The following CRISPLD1 variants were observed in gnomAD, a reference collection of about 807,000 sequenced individuals.
CRISPLD1 encodes cysteine-rich secretory protein LCCL domain-containing 1.
CRISPLD1 carries 60 observed loss-of-function variants against 77.5 expected under a neutral mutation model. The observed-to-expected ratio is 0.77, with a 90% CI of 0.63 to 0.96. CRISPLD1 has a LOEUF of 0.96. Among genes scored for constraint, CRISPLD1 ranks in the 40% least tolerant of loss-of-function variants. CRISPLD1 has a pLI of 0.00. For missense variants in CRISPLD1, 623 were observed against 615.8 expected (o/e 1.01, Z -0.12); for synonymous variants, 195 against 200.1 (o/e 0.97, Z 0.22).
chr8:75,001,678 A>T (rs1343986541), intron 2 of CRISPLD1, among the ~76,000 whole-genome samples: 1 of 152,136 alleles, frequency 6.6e-6, no homozygotes, highest in African/African-American at 2.4e-5. Context: ...CAGCTGATTC[A>T]ATGGGGAGGA....
At chr8:75,011,401 T>A (rs1046646698) in intron 2 of CRISPLD1, among the ~76,000 whole-genome samples, 7 of 151,152 alleles carry the variant, frequency 4.6e-5, no homozygotes, top group African/African-American at 1.7e-4. Flanking sequence ...TTCAGCTTCA[T>A]CACTGTCACT....
Position 75,034,219 on chromosome 8 carries a change from T to C in CRISPLD1, c.*1977T>C, listed in dbSNP as rs1016602396. 8.5e-5 allele frequency: 13 copies of C among 152,114 alleles called. No homozygotes were observed. Among genetic ancestry groups the C allele is most frequent in the Admixed American group, 7.9e-4 (12 of 15,264 alleles). 9.4% of individuals were successfully genotyped at this position (152,114 alleles called of 1,614,324 possible). On this transcript the variant is annotated 3_prime_UTR_variant, in exon 15 of 15. Coordinates refer to ENST00000262207, the MANE Select transcript of CRISPLD1 (RefSeq NM_031461.6). Reference sequence around the variant, plus strand: ...AAGAACTTCCATAGTCTTGTTCATATTGTTTACCTATCTTCTACACAAGGC... The same window carrying C: ...AAGAACTTCCATAGTCTTGTTCATACTGTTTACCTATCTTCTACACAAGGC...
At chr8:74,994,237 G>A (rs1192041121) in intron 2 of CRISPLD1, among the ~76,000 whole-genome samples, 1 of 152,162 alleles carries the variant, frequency 6.6e-6, no homozygotes, top group Non-Finnish European at 1.5e-5. Flanking sequence ...AAGGTAGTAA[G>A]AAATGGAAAG....
intron 9 of CRISPLD1, 25 bp downstream of exon 9, chr8:75,017,138 T>A: frequency 6.3e-7 from 1 of 1,580,774 alleles, no homozygotes; most frequent in South Asian, 1.1e-5. Context: ...TGTAATTATT[T>A]GAGGATAGAG....
intron 2 of CRISPLD1, among the ~76,000 whole-genome samples, chr8:74,996,582 T>A (rs1337427561): frequency 1.3e-5 from 2 of 151,984 alleles, no homozygotes; most frequent in African/African-American, 4.8e-5. Context: ...GGAGAAATAC[T>A]AGGCACAAAG....
At chr8:74,989,140 G>A (rs1410236063) in intron 2 of CRISPLD1, among the ~76,000 whole-genome samples, 1 of 152,156 alleles carries the variant, frequency 6.6e-6, no homozygotes, top group South Asian at 2.1e-4. Context: ...ATGCAGGGTG[G>A]CAGGAATTGG....
chr8:75,002,764 G>C lies in CRISPLD1; in HGVS notation c.259-9669G>C, dbSNP rs111776161. Among the ~76,000 whole-genome samples the C allele has an allele frequency of 1.5e-4, 23 of 152,202 alleles. No individual in the cohort carries two copies. In the Middle Eastern group the frequency reaches 0.01, roughly 68 times the overall value. Reference sequence around the variant, plus strand: ...TTGGCCAAATCTAACCAGGAGCCAGGGGGCAGGAGAGCCTGAGGTAACTCA... The same window carrying C: ...TTGGCCAAATCTAACCAGGAGCCAGCGGGCAGGAGAGCCTGAGGTAACTCA... On this transcript the variant is annotated intron_variant, in intron 2 of 14. Transcript: ENST00000262207.
intron 2 of CRISPLD1, 33 bp from the exon 3 acceptor site, chr8:75,012,400 A>C: frequency 8.0e-7 from 1 of 1,246,938 alleles, no homozygotes; most frequent in Non-Finnish European, 1.2e-6. Context: ...CAAATGCTAC[A>C]TGTGCACATT....
Position 74,984,614 on chromosome 8 carries a change from T to G in CRISPLD1, c.-369T>G, listed in dbSNP as rs2128779915. Reference sequence around the variant, plus strand: ...CGTTCGTGTCCCCGCCCCTCGCTCCTGCAGCTACTGCTCAGAAACGCTGGG... The same window carrying G: ...CGTTCGTGTCCCCGCCCCTCGCTCCGGCAGCTACTGCTCAGAAACGCTGGG... On this transcript the variant is annotated 5_prime_UTR_variant, in exon 1 of 15. Transcript: ENST00000262207. 1 of 152,934 alleles carries G rather than the reference T, an allele frequency of 6.5e-6. No individual in the cohort carries two copies. Among genetic ancestry groups the G allele is most frequent in the East Asian group, 1.9e-4 (1 of 5,202 alleles). 9.5% of individuals were successfully genotyped at this position (152,934 alleles called of 1,614,324 possible).
intron 12 of CRISPLD1, among the ~76,000 whole-genome samples, chr8:75,023,160 C>T (rs1338299694): frequency 6.7e-6 from 1 of 149,452 alleles, no homozygotes; most frequent in African/African-American, 2.5e-5. Context: ...GATTGGAATA[C>T]AAACAAGCAA....
chr8:75,025,441 A>G (rs1813214985), intron 12 of CRISPLD1, 105 bp from the exon 13 acceptor site: 1 of 346,192 alleles, frequency 2.9e-6, no homozygotes, highest in Non-Finnish European at 5.0e-6. Context: ...AGTAGGGTTT[A>G]GAATGTTGAG....
rs748661960 is a variant in CRISPLD1, at chr8:75,012,442, G to A, written c.268G>A (p.Val90Ile). 6.8e-6 allele frequency: 11 copies of A among 1,608,904 alleles called. No homozygotes were observed. Among genetic ancestry groups the A allele is most frequent in the Admixed American group, 5.0e-5 (3 of 59,892 alleles). The change falls in exon 3 of 15, where the codon GTA (valine) becomes ATA (isoleucine). Residue 90 changes from valine (V) to isoleucine (I), a missense_variant. Coordinates refer to ENST00000262207, the MANE Select transcript of CRISPLD1 (RefSeq NM_031461.6). ...TTGTTTTAAACTGTAGACATGGGAT[G>A]TAGAGCTGGAAAGATCTGCAGAATC... is the stretch of plus-strand genomic sequence containing the variant. ...ASNMEYMTWD[V>I]ELERSAESWA...
At chr8:75,021,917 T>G (rs1248614433) in intron 12 of CRISPLD1, among the ~76,000 whole-genome samples, 3 of 152,112 alleles carry the variant, frequency 2.0e-5, no homozygotes, top group Non-Finnish European at 4.4e-5. Context: ...GTGACTAGGT[T>G]TATGAGGACC....
At chr8:74,993,458 T>G (rs1812604163) in intron 2 of CRISPLD1, among the ~76,000 whole-genome samples, 1 of 152,208 alleles carries the variant, frequency 6.6e-6, no homozygotes, top group Admixed American at 6.5e-5. Context: ...TCCTAAGGTG[T>G]TTTTGCTTTA....
At chr8:75,014,745 T>A (rs1188533739) in intron 5 of CRISPLD1, 67 bp from the exon 6 acceptor site, 3 of 952,142 alleles carry the variant, frequency 3.2e-6, no homozygotes, top group Non-Finnish European at 4.9e-6. Flanking sequence ...TATATAGTGA[T>A]GTTTCACAAT....
At chr8:75,005,181 CTTTA>C (rs1455376546) in intron 2 of CRISPLD1, among the ~76,000 whole-genome samples, 5 of 151,962 alleles carry the variant, frequency 3.3e-5, no homozygotes, top group Admixed American at 6.6e-5. Context: ...CATCAGATGC[CTTTA>C]TTTGTCACCA....
rs2128782363 is a variant in CRISPLD1, at chr8:75,000,056, A to T, written c.259-12377A>T. 3 of 750,662 alleles carry T rather than the reference A, an allele frequency of 4.0e-6. No homozygotes were observed. The African/African-American group carries it at 5.8e-5, about 14-fold the overall frequency. The allele number at this position is 750,662 out of a possible 1,614,324, so 46.5% of individuals were successfully genotyped here. On this transcript the variant is annotated intron_variant, in intron 2 of 14. Transcript: ENST00000262207. ...AAGGCAGCAACTAGATACAAGGATA[A>T]TGAGCTATTAGGCAAGACCAGGAGT...
At position 75,033,409 on chromosome 8, in the gene CRISPLD1, T is replaced by C. The variant is rs532371415; in HGVS notation, c.*1167T>C. On this transcript the variant is annotated 3_prime_UTR_variant, in exon 15 of 15. Coordinates refer to ENST00000262207, the MANE Select transcript of CRISPLD1 (RefSeq NM_031461.6). ...TAAACTTGGTTTATTGACGTTAGTA[T>C]AAATAACATACAATACCAGATGTCT... is the stretch of plus-strand genomic sequence containing the variant. The C allele has an allele frequency of 1.8e-4, 28 of 152,142 alleles. No homozygotes were observed. The highest frequency in any genetic ancestry group is 6.3e-4 in the African/African-American group (26 of 41,558). 9.4% of individuals were successfully genotyped at this position (152,142 alleles called of 1,614,324 possible).
Position 75,014,002 on chromosome 8 carries a change from A to G in CRISPLD1, c.526A>G (p.Ser176Gly), listed in dbSNP as rs1355375846. Reference sequence around the variant, plus strand: ...TCTAACATAGGTCGTGTGGGCAACTAGTAACAGAATCGGTTGTGCCATTAA... The same window carrying G: ...TCTAACATAGGTCGTGTGGGCAACTGGTAACAGAATCGGTTGTGCCATTAA... ...THYTQVVWAT[S>G]NRIGCAINLC... The change falls in exon 5 of 15, where the codon AGT becomes GGT. Residue 176 changes from serine (S) to glycine (G), a missense_variant. Ser to Gly is a moderately conservative substitution (Grantham distance 56, BLOSUM62 0). Coordinates refer to ENST00000262207, the MANE Select transcript of CRISPLD1 (RefSeq NM_031461.6). 6.2e-7 allele frequency: 1 copy of G among 1,612,514 alleles called. No individual in the cohort carries two copies. Among genetic ancestry groups the G allele is most frequent in the Admixed American group, 1.7e-5 (1 of 59,892 alleles).
Sources: allele counts gnomAD v4.1 joint callset (sites outside exome capture counted in the v4.1 genomes callset), GRCh38; gene constraint gnomAD v4.1.1; transcripts MANE v1.5; gene names NCBI Gene and HGNC (gene_info 2026-07-23, HGNC 2026-07-21).